ISM1: variants seen among roughly 807,000 people sequenced by gnomAD.
ISM1 encodes the protein isthmin 1, also known as isthmin-1.
In ISM1, 25 loss-of-function variants were observed where a neutral mutation model predicts 46.3. That is an observed-to-expected ratio of 0.54 (90% CI 0.39 to 0.75). The LOEUF is 0.75. ISM1 is among the 30% of genes least tolerant of loss of function. The probability of loss-of-function intolerance (pLI) is 0.00; values close to 1 mark genes in which losing one functional copy is unlikely to be tolerated. For synonymous variants in ISM1, 255 were observed against 256.7 expected, an observed-to-expected ratio of 0.99 and a Z score of 0.06; for missense variants, 536 against 625.4, an observed-to-expected ratio of 0.86 and a Z score of 1.52.
intron 3 of ISM1, among the ~76,000 whole-genome samples, chr20:13,287,010 G>C (rs982223124): frequency 7.3e-4 from 111 of 152,318 alleles, no homozygotes; most frequent in African/African-American, 2.6e-3. Context: ...GAGAGAAAGG[G>C]CGTGGTACCA....
intron 3 of ISM1, 105 bp downstream of exon 3, chr20:13,280,003 G>A (rs1400009883): frequency 5.1e-6 from 6 of 1,176,144 alleles, no homozygotes; most frequent in African/African-American, 4.6e-5. Context: ...GTGGCTTTTG[G>A]TCTTCTGTGA....
At chr20:13,315,217 C>T in the ISM1 span, among the ~76,000 whole-genome samples, 1 of 151,988 alleles carries the variant, frequency 6.6e-6, no homozygotes, top group African/African-American at 2.4e-5. Flanking sequence ...CTTTGAACAT[C>T]AATGACCTAA....
intron 3 of ISM1, 46 bp downstream of exon 3, chr20:13,279,944 G>A (rs755548906): frequency 7.7e-6 from 12 of 1,568,010 alleles, no homozygotes; most frequent in South Asian, 4.6e-5. Context: ...AAGAATAAAC[G>A]AGGATGATGC....
chr20:13,277,939 C>T (rs970475014), intron 2 of ISM1, among the ~76,000 whole-genome samples: 9 of 152,164 alleles, frequency 5.9e-5, no homozygotes, highest in Non-Finnish European at 1.2e-4. Flanking sequence ...CCTCCCCATT[C>T]GTAACACAAA....
At chr20:13,290,816 A>G (rs1335513390) in intron 4 of ISM1, among the ~76,000 whole-genome samples, 1 of 152,226 alleles carries the variant, frequency 6.6e-6, no homozygotes, top group African/African-American at 2.4e-5. Flanking sequence ...ACTTTATGAA[A>G]TAGGTATTTA....
chr20:13,291,404 G>A (rs1000657189), intron 4 of ISM1, among the ~76,000 whole-genome samples: 1 of 152,200 alleles, frequency 6.6e-6, no homozygotes, highest in Admixed American at 6.5e-5. Flanking sequence ...TTATTACACT[G>A]TAAAAGTTTG....
chr20:13,223,463 G>C (rs1207965234), intron 1 of ISM1, among the ~76,000 whole-genome samples: 1 of 152,078 alleles, frequency 6.6e-6, no homozygotes, highest in African/African-American at 2.4e-5. Context: ...CAAAAACTGA[G>C]GTACAGAGAG....
At chr20:13,283,375 A>T (rs1196886090) in intron 3 of ISM1, among the ~76,000 whole-genome samples, 2 of 152,222 alleles carry the variant, frequency 1.3e-5, no homozygotes, top group African/African-American at 2.4e-5. Flanking sequence ...AGACAGGCTA[A>T]AATTGCCACA....
At chr20:13,243,002 A>C (rs953113717) in intron 1 of ISM1, among the ~76,000 whole-genome samples, 3 of 152,168 alleles carry the variant, frequency 2.0e-5, no homozygotes, top group African/African-American at 7.2e-5. Context: ...TTTACACAAT[A>C]AGGTTAAGTA....
At chr20:13,275,496 G>C (rs1228324336) in intron 2 of ISM1, among the ~76,000 whole-genome samples, 1 of 152,196 alleles carries the variant, frequency 6.6e-6, no homozygotes, top group Non-Finnish European at 1.5e-5. Context: ...AATATATGGA[G>C]GCAGATTGGC....
intron 3 of ISM1, among the ~76,000 whole-genome samples, chr20:13,282,171 G>T (rs2123289278): frequency 6.6e-6 from 1 of 152,038 alleles, no homozygotes; most frequent in South Asian, 2.1e-4. Flanking sequence ...CCGATGCCTA[G>T]ACTTCTCCCC....
At chr20:13,235,310 C>A (rs2039635441) in intron 1 of ISM1, among the ~76,000 whole-genome samples, 1 of 152,188 alleles carries the variant, frequency 6.6e-6, no homozygotes, top group African/African-American at 2.4e-5. Flanking sequence ...ATTTCATCAG[C>A]CAAAGCAAGT....
chr20:13,288,752 G>A, intron 4 of ISM1, 69 bp downstream of exon 4: 1 of 1,453,198 alleles, frequency 6.9e-7, no homozygotes, highest in South Asian at 1.2e-5. Flanking sequence ...TAAAAACTTA[G>A]TGACATTGTC....
At chr20:13,230,431 G>C (rs767334126) in intron 1 of ISM1, among the ~76,000 whole-genome samples, 3 of 151,896 alleles carry the variant, frequency 2.0e-5, no homozygotes, top group Non-Finnish European at 2.9e-5. Flanking sequence ...TCTTTAACTT[G>C]TCTTCATTAG....
At chr20:13,318,115 A>T in the ISM1 span, among the ~76,000 whole-genome samples, 1 of 143,596 alleles carries the variant, frequency 7.0e-6, no homozygotes, top group Admixed American at 7.4e-5. Context: ...GATTCTTTAA[A>T]TGTTTCTGAG....
the ISM1 span, among the ~76,000 whole-genome samples, chr20:13,325,001 A>G: frequency 3.9e-5 from 6 of 152,218 alleles, no homozygotes; most frequent in Non-Finnish European, 8.8e-5. Flanking sequence ...TTATCCTGTT[A>G]GTGCAGCTAT....
chr20:13,275,193 TTAAGACGGACTTAAAAA>T (rs1555813480), intron 2 of ISM1, among the ~76,000 whole-genome samples: 1 of 150,940 alleles, frequency 6.6e-6, no homozygotes, highest in Non-Finnish European at 1.5e-5. Flanking sequence ...TTTTCTCCCA[TTAAGACGGACTTAAAAA>T]TAGTCATGTA....
chr20:13,257,892 C>G (rs1302766232), intron 1 of ISM1, among the ~76,000 whole-genome samples: 12 of 152,040 alleles, frequency 7.9e-5, no homozygotes, highest in Non-Finnish European at 2.9e-5. Flanking sequence ...TGCAGACTCT[C>G]TTGTTCTAAC....
intron 1 of ISM1, among the ~76,000 whole-genome samples, chr20:13,222,548 A>C (rs1417508249): frequency 1.3e-5 from 2 of 151,818 alleles, no homozygotes; most frequent in Admixed American, 6.6e-5. Flanking sequence ...GAGTGAAGGC[A>C]CCGGTAGTGA....
Sources: allele counts gnomAD v4.1 joint callset (sites outside exome capture counted in the v4.1 genomes callset), GRCh38; gene constraint gnomAD v4.1.1; transcripts MANE v1.5; gene names NCBI Gene and HGNC (gene_info 2026-07-23, HGNC 2026-07-21).